The following RLN2 variants were observed in gnomAD, a reference collection of about 807,000 sequenced individuals.
RLN2 encodes the protein relaxin 2.
In RLN2, 10 loss-of-function variants were observed where a neutral mutation model predicts 7.3. The ratio of observed to expected loss-of-function variants is 1.36; its 90% CI spans 0.84 to 2.31. The LOEUF is 2.31. Ranked by LOEUF, RLN2 falls within the 30% of genes most tolerant of loss-of-function variation. RLN2 has a pLI of 0.00. For synonymous variants in RLN2, 103 were observed against 82.3 expected, an observed-to-expected ratio of 1.25 and a Z score of -1.36; for missense variants, 298 against 217.6, an observed-to-expected ratio of 1.37 and a Z score of -2.32.
chr9:5,320,419 G>T, the RLN2 span, among the ~76,000 whole-genome samples: 1 of 151,290 alleles, frequency 6.6e-6, no homozygotes, highest in Middle Eastern at 3.5e-3. Context: ...CGCCTAGGCT[G>T]GAGTGCAGTG....
At chr9:5,330,292 C>T in the RLN2 span, among the ~76,000 whole-genome samples, 1 of 151,804 alleles carries the variant, frequency 6.6e-6, no homozygotes, top group South Asian at 2.1e-4. Context: ...CACTAAATGC[C>T]CATAAAAGAA....
At chr9:5,309,352 T>C (rs1816307037), upstream of RLN2, among the ~76,000 whole-genome samples, 1 of 152,014 alleles carries the variant, frequency 6.6e-6, no homozygotes, top group Non-Finnish European at 1.5e-5. Context: ...CTTCAGCTAT[T>C]TCCCATTACC....
At chr9:5,305,429 G>GA (rs1170467330), upstream of RLN2, among the ~76,000 whole-genome samples, 1 of 120,728 alleles carries the variant, frequency 8.3e-6, no homozygotes, top group Non-Finnish European at 1.8e-5. Context: ...AGAGAGAGAA[G>GA]AAAAAAAAGC....
intron 1 of RLN2, among the ~76,000 whole-genome samples, chr9:5,302,242 A>C (rs565493357): frequency 6.6e-6 from 1 of 152,204 alleles, no homozygotes; most frequent in Non-Finnish European, 1.5e-5. Flanking sequence ...CCTAGGCTCA[A>C]AGAAAATATT....
the RLN2 span, among the ~76,000 whole-genome samples, chr9:5,316,671 A>G: frequency 6.6e-6 from 1 of 151,990 alleles, no homozygotes; most frequent in East Asian, 1.9e-4. Context: ...TATGTGCCAC[A>G]TTTTCTTTAT....
the RLN2 span, among the ~76,000 whole-genome samples, chr9:5,338,046 A>G: frequency 1.3e-5 from 2 of 149,926 alleles, no homozygotes; most frequent in African/African-American, 4.9e-5. Flanking sequence ...TACCTATCCA[A>G]ATGTTAACAT....
the RLN2 span, among the ~76,000 whole-genome samples, chr9:5,337,097 T>C: frequency 6.6e-6 from 1 of 152,122 alleles, no homozygotes; most frequent in Admixed American, 6.6e-5. Flanking sequence ...TGAGAATTTA[T>C]ATCATTTTTG....
At chr9:5,334,288 CT>C in the RLN2 span, among the ~76,000 whole-genome samples, 1 of 152,036 alleles carries the variant, frequency 6.6e-6, no homozygotes, top group South Asian at 2.1e-4. Context: ...AGCCCAAAAG[CT>C]TCTTAAGTTG....
At chr9:5,306,109 GT>G (rs199949652), upstream of RLN2, among the ~76,000 whole-genome samples, 13,646 of 131,428 alleles carry the variant, frequency 0.1, 820 homozygotes, top group African/African-American at 0.16. Context: ...TTTGTTTTTT[GT>G]TTTTTTTTTT....
chr9:5,307,606 G>C (rs1389711583), upstream of RLN2, among the ~76,000 whole-genome samples: 1 of 152,034 alleles, frequency 6.6e-6, no homozygotes, highest in Non-Finnish European at 1.5e-5. Flanking sequence ...ATGTGGGTCA[G>C]GATGGGCTCT....
chr9:5,311,009 G>T, the RLN2 span, among the ~76,000 whole-genome samples: 5 of 152,030 alleles, frequency 3.3e-5, no homozygotes, highest in Non-Finnish European at 4.4e-5. Context: ...CCTACTTGCA[G>T]AAACAAATGT....
the RLN2 span, among the ~76,000 whole-genome samples, chr9:5,332,805 C>A: frequency 1.3e-5 from 2 of 151,710 alleles, no homozygotes; most frequent in Admixed American, 6.6e-5. Flanking sequence ...TTAGTAGAAA[C>A]GGGGTTTCAC....
At chr9:5,317,655 A>T in the RLN2 span, among the ~76,000 whole-genome samples, 1 of 151,936 alleles carries the variant, frequency 6.6e-6, no homozygotes, top group African/African-American at 2.4e-5. Flanking sequence ...TTACAAATAC[A>T]AACAATGGTT....
the RLN2 span, among the ~76,000 whole-genome samples, chr9:5,312,668 A>G: frequency 4.6e-5 from 7 of 151,944 alleles, no homozygotes; most frequent in Admixed American, 1.3e-4. Flanking sequence ...TGCCTGAAAT[A>G]CCATGATTGT....
chr9:5,313,204 C>CTT, the RLN2 span, among the ~76,000 whole-genome samples: 1 of 152,012 alleles, frequency 6.6e-6, no homozygotes, highest in Non-Finnish European at 1.5e-5. Context: ...ATATTGCACT[C>CTT]TATCTCTTCT....
the RLN2 span, chr9:5,335,729 A>T: frequency 4.0e-5 from 25 of 628,472 alleles, no homozygotes; most frequent in East Asian, 4.7e-4. Context: ...TGAAACACAA[A>T]AGCATCCTAA....
chr9:5,304,717 T>A, upstream of RLN2: 2 of 833,302 alleles, frequency 2.4e-6, no homozygotes, highest in Non-Finnish European at 3.9e-6. Context: ...CGGTCTTTTG[T>A]ATCCCTTGGG....
the RLN2 span, among the ~76,000 whole-genome samples, chr9:5,327,409 C>A: frequency 1.3e-5 from 2 of 152,042 alleles, no homozygotes; most frequent in African/African-American, 4.8e-5. Flanking sequence ...GAAGCACAAA[C>A]TGGGTGGAGT....
At chr9:5,314,893 C>T in the RLN2 span, among the ~76,000 whole-genome samples, 5 of 151,052 alleles carry the variant, frequency 3.3e-5, no homozygotes, top group South Asian at 4.1e-4. Flanking sequence ...CTATTGGCTC[C>T]GTTTCCCAAA....
Sources: gnomAD v4.1 joint callset for allele counts (sites outside exome capture counted in the v4.1 genomes callset) on GRCh38, gnomAD v4.1.1 for gene constraint, MANE v1.5 for transcripts, NCBI Gene and HGNC (gene_info 2026-07-23, HGNC 2026-07-21) for gene names.